PSG5: variants seen among roughly 807,000 people sequenced by gnomAD.
PSG5 encodes pregnancy specific beta-1-glycoprotein 5.
A neutral mutation model predicts 37.7 loss-of-function variants in PSG5; 53 were observed. The ratio of observed to expected loss-of-function variants is 1.41; its 90% CI spans 1.13 to 1.77. The LOEUF (loss-of-function observed/expected upper bound fraction) is 1.77, where lower values mean the gene tolerates loss of function less well. Among genes scored for constraint, PSG5 ranks in the 40% most tolerant of loss-of-function variants. The pLI, the probability that PSG5 is intolerant of heterozygous loss-of-function variation, is 0.00. For missense variants in PSG5, 547 were observed against 405.2 expected (o/e 1.35, Z -3.00); for synonymous variants, 221 against 155.4 (o/e 1.42, Z -3.14).
At position 43,175,399 on chromosome 19, in the gene PSG5, G is replaced by A; in HGVS notation, c.780C>T (p.Ser260=). ...CCGGTGGGTTAGATTCCGCGAAGCAGGACAAGTAGAGGTTTTCTCCTGAAC... is the reference window on the plus strand; with the variant it reads ...CCGGTGGGTTAGATTCCGCGAAGCAAGACAAGTAGAGGTTTTCTCCTGAAC... ...YYRSGENLYL[S]CFAESNPPAE... The change falls in exon 4 of 6, where the codon TCC becomes TCT. Residue 260 remains serine (S), a synonymous_variant. Transcript: ENST00000342951. The A allele has an allele frequency of 1.9e-6, 3 of 1,612,866 alleles. No individual in the cohort carries two copies. Among genetic ancestry groups the A allele is most frequent in the South Asian group, 2.2e-5 (2 of 91,046 alleles).
rs147144682 is a variant in PSG5, at chr19:43,184,920, G to A, written c.292C>T (p.Arg98Ter). 3.2e-4 allele frequency: 523 copies of A among 1,612,450 alleles called. 8 individuals are homozygous for A. In the African/African-American group the frequency reaches 5.4e-3, roughly 16 times the overall value. The change falls in exon 2 of 6, where the codon CGA (arginine) becomes TGA (stop). Residue 98 changes from arginine to a stop codon, truncating the protein, a stop_gained. Transcript: ENST00000342951. LOFTEE classifies it high-confidence loss of function. ...INIYGPAYTG[R>*]ETVYSNASLL... Reference sequence around the variant, plus strand: ...GATGCATTGGAATATACTGTTTCTCGTCCAGTGTATGCAGGCCCATATATA... The same window carrying A: ...GATGCATTGGAATATACTGTTTCTCATCCAGTGTATGCAGGCCCATATATA...
intron 2 of PSG5, among the ~76,000 whole-genome samples, chr19:43,181,963 T>A (rs1479680900): frequency 6.6e-6 from 1 of 151,664 alleles, no homozygotes; most frequent in Non-Finnish European, 1.5e-5. Flanking sequence ...CATTGGGGAC[T>A]GCAGGCCTGT....
At chr19:43,179,108 C>T (rs904067992) in intron 2 of PSG5, 2 of 1,607,894 alleles carry the variant, frequency 1.2e-6, no homozygotes, top group Admixed American at 3.3e-5. Flanking sequence ...CCTCCATGGC[C>T]TCCCTGGGGT....
chr19:43,181,481 CAG>C (rs1174164423), intron 2 of PSG5, among the ~76,000 whole-genome samples: 3 of 151,540 alleles, frequency 2.0e-5, no homozygotes, highest in East Asian at 3.9e-4. Flanking sequence ...TTTTCTGAGA[CAG>C]AGTCTCTCTC....
In PSG5 at chr19:43,168,097, T is replaced by C. The variant is rs1472569255; in HGVS notation, c.*147A>G. 3 of 446,282 alleles carry C rather than the reference T, an allele frequency of 6.7e-6. No homozygotes were observed. The highest frequency in any genetic ancestry group is 1.2e-5 in the Non-Finnish European group (3 of 249,012). 27.6% of individuals were successfully genotyped at this position (446,282 alleles called of 1,614,324 possible). On this transcript the variant is annotated 3_prime_UTR_variant, in exon 6 of 6. Transcript: ENST00000342951. ...TGATCTTGAAGTTATCAGGAACTTG[T>C]ATTCAAGAGTCCTTGTCAGAGTCTT...
chr19:43,174,967 G>A, intron 4 of PSG5: 1 of 1,356,474 alleles, frequency 7.4e-7, no homozygotes, highest in Non-Finnish European at 9.8e-7. Context: ...TACCACATAG[G>A]GCTCAGGGCT....
Position 43,179,193 on chromosome 19 carries a change from G to T in PSG5, c.431-3045C>A, listed in dbSNP as rs142294164. On this transcript the variant is annotated intron_variant, in intron 2 of 5. Coordinates refer to ENST00000342951, the MANE Select transcript of PSG5 (RefSeq NM_002781.4). ...AACAGAGAGAAGATTGCCCTGTGTG[G>T]CACCTTTGATTCCTCCAAAGGCACT... is the stretch of plus-strand genomic sequence containing the variant. 2,045 of 1,560,922 alleles carry T rather than the reference G, an allele frequency of 1.3e-3. 84 individuals are homozygous for T. In the African/African-American group the frequency reaches 0.024, roughly 18 times the overall value.
At chr19:43,175,643 C>G (rs1599747560) in intron 3 of PSG5, 174 bp from the exon 4 acceptor site, 2 of 1,392,072 alleles carry the variant, frequency 1.4e-6, no homozygotes, top group Admixed American at 4.8e-5. Flanking sequence ...TCTCCCATCA[C>G]AAGCTATTGA....
chr19:43,184,789 G>C lies in PSG5; in HGVS notation c.423C>G (p.Asn141Lys). Residue 141 changes from asparagine (N) to lysine (K), a missense_variant, in exon 2 of 6, where the codon AAC (asparagine) becomes AAG (lysine). Transcript: ENST00000342951. ...TRGVTGYFTF[N>K]LYLKLPKPYI... ...TCATGTGGAATCACTCACGGTATAAGTTGAAGGTGAAATATCCAGTTACTC... is the reference window on the plus strand; with the variant it reads ...TCATGTGGAATCACTCACGGTATAACTTGAAGGTGAAATATCCAGTTACTC... 2 of 1,612,226 alleles carry C rather than the reference G, an allele frequency of 1.2e-6. No homozygotes were observed. Among genetic ancestry groups the C allele is most frequent in the Non-Finnish European group, 1.7e-6 (2 of 1,178,982 alleles).
At chr19:43,176,209 C>A (rs3950950) in intron 2 of PSG5, 61 bp from the exon 3 acceptor site, 93 of 1,583,740 alleles carry the variant, frequency 5.9e-5, no homozygotes, top group South Asian at 2.3e-4. Flanking sequence ...CCACAGGCAT[C>A]CTTCAATCAG....
At position 43,175,319 on chromosome 19, in the gene PSG5, G is replaced by C. The variant is rs201663751; in HGVS notation, c.860C>G (p.Ser287Cys). ...GKFQQSGQKL[S>C]IPQITTKHRG... is the part of the protein sequence containing the mutation. ...ATGCTTTGTAGTAATTTGGGGGATAGAGAGCTTTTGTCCTGATTGCTGAAA... is the reference window on the plus strand; with the variant it reads ...ATGCTTTGTAGTAATTTGGGGGATACAGAGCTTTTGTCCTGATTGCTGAAA... The change falls in exon 4 of 6, where the codon TCT (serine) becomes TGT (cysteine). Residue 287 changes from serine (S) to cysteine (C), a missense_variant. By Grantham distance (112) the Ser-to-Cys change is moderately radical. Transcript: ENST00000342951. 6.2e-7 allele frequency: 1 copy of C among 1,612,872 alleles called. No homozygotes were observed. The highest frequency in any genetic ancestry group is 8.5e-7 in the Non-Finnish European group (1 of 1,179,250).
At chr19:43,179,025 G>A in intron 2 of PSG5, 1 of 1,612,710 alleles carries the variant, frequency 6.2e-7, no homozygotes. Flanking sequence ...GTGAGTCATA[G>A]GGAGGCTCTG....
chr19:43,179,303 T>G, intron 2 of PSG5: 1 of 1,211,718 alleles, frequency 8.3e-7, no homozygotes, highest in South Asian at 1.5e-5. Context: ...ACAAGACAGA[T>G]GCATGGCAAT....
rs910683134 is a variant in PSG5, at chr19:43,168,005, T to C, written c.*239A>G. ...CAATAACATGGAGTTTTTTTCTTCT[T>C]TGTCTAGAATTTCATGAAGGTATCA... On this transcript the variant is annotated 3_prime_UTR_variant, in exon 6 of 6. Transcript: ENST00000342951. 2.4e-6 allele frequency: 1 copy of C among 411,180 alleles called. No individual in the cohort carries two copies. The highest frequency in any genetic ancestry group is 4.5e-6 in the Non-Finnish European group (1 of 223,678). 25.5% of individuals were successfully genotyped at this position (411,180 alleles called of 1,614,324 possible).
chr19:43,184,123 G>A (rs916844787), intron 2 of PSG5, among the ~76,000 whole-genome samples: 3 of 151,608 alleles, frequency 2.0e-5, no homozygotes, highest in African/African-American at 7.3e-5. Flanking sequence ...TCTATGGACT[G>A]TCCTAAGCCT....
intron 2 of PSG5, among the ~76,000 whole-genome samples, chr19:43,176,694 GC>G (rs1568372604): frequency 1.3e-5 from 2 of 150,890 alleles, no homozygotes; most frequent in East Asian, 3.9e-4. Context: ...CCAGAGTCAA[GC>G]CTGGAGGTCA....
chr19:43,185,209 G>T, intron 1 of PSG5, 62 bp from the exon 2 acceptor site: 2 of 1,511,504 alleles, frequency 1.3e-6, no homozygotes, highest in Non-Finnish European at 1.8e-6. Context: ...AAAAGATGGA[G>T]CCCTGGGTCC....
At chr19:43,185,299 TTG>T (rs1485340212) in intron 1 of PSG5, 152 bp from the exon 2 acceptor site, 34 of 1,196,582 alleles carry the variant, frequency 2.8e-5, no homozygotes, top group Non-Finnish European at 3.4e-5. Context: ...GCATGTTAGT[TTG>T]TGTGTGTGTA....
At chr19:43,185,620 A>G (rs1371037849) in intron 1 of PSG5, among the ~76,000 whole-genome samples, 2 of 151,264 alleles carry the variant, frequency 1.3e-5, no homozygotes, top group Non-Finnish European at 2.9e-5. Flanking sequence ...CCTCCCCATG[A>G]CAGCGTGAGC....
Sources: gnomAD v4.1 joint callset for allele counts (sites outside exome capture counted in the v4.1 genomes callset) on GRCh38, gnomAD v4.1.1 for gene constraint, MANE v1.5 for transcripts, NCBI Gene and HGNC (gene_info 2026-07-23, HGNC 2026-07-21) for gene names.